GPC3: variants seen among roughly 807,000 people sequenced by gnomAD.
GPC3 encodes glypican 3.
GPC3 carries 3 observed loss-of-function variants against 34.4 expected under a neutral mutation model. That is an observed-to-expected ratio of 0.09 (90% CI 0.04 to 0.23). GPC3 has a LOEUF of 0.23. GPC3 is among the 10% of genes least tolerant of loss of function. The probability of loss-of-function intolerance (pLI) is 1.00; values close to 1 mark genes in which losing one functional copy is unlikely to be tolerated. For synonymous variants in GPC3, 177 were observed against 174.0 expected (o/e 1.02, Z -0.13); for missense variants, 351 against 445.6 (o/e 0.79, Z 1.91).
chrX:133,624,536 A>G (rs1193425707), intron 6 of GPC3, among the ~76,000 whole-genome samples: 3 of 112,113 alleles, frequency 2.7e-5, no homozygotes, highest in Admixed American at 9.5e-5. Flanking sequence ...AAACACCTCT[A>G]TGCAAATAAA....
chrX:133,870,903 T>C (rs2124575330), intron 2 of GPC3, among the ~76,000 whole-genome samples: 1 of 112,228 alleles, frequency 8.9e-6, no homozygotes, highest in East Asian at 2.8e-4. Flanking sequence ...ACACTGCTTC[T>C]TCTTCAATCT....
rs772539236 is a variant in GPC3, at chrX:133,536,335, A to G, written c.1574-42T>C. 1.2e-4 allele frequency: 116 copies of G among 1,006,050 alleles called. 1 individual carries two copies. Among genetic ancestry groups the G allele is most frequent in the Non-Finnish European group, 3.8e-5 (27 of 709,510 alleles). The allele number at this position is 1,006,050 out of a possible 1,213,427, so 82.9% of individuals were successfully genotyped here. A position where few individuals can be genotyped will look rare whatever the true frequency, so the allele number is the denominator to read the frequency against. ...AAGGATTTGAAATGCAAGTCTACCC[A>G]TAGCCTCAGTATAACACTATGCACA... is the stretch of plus-strand genomic sequence containing the variant. On this transcript the variant is annotated intron_variant, in intron 7 of 7. Coordinates refer to ENST00000370818, the MANE Select transcript of GPC3 (RefSeq NM_004484.4).
chrX:133,785,626 C>T (rs921375196), intron 2 of GPC3, among the ~76,000 whole-genome samples: 2 of 111,840 alleles, frequency 1.8e-5, no homozygotes, highest in Non-Finnish European at 3.8e-5. Flanking sequence ...CTGGTTTTTG[C>T]ACTTACTCAT....
At position 133,753,755 on chromosome X, in the gene GPC3, G is replaced by A; in HGVS notation, c.759C>T (p.Gly253=). The part of the protein sequence containing the change: ...TDHLKFSKDC[G]RMLTRMWYCS... The stretch of plus-strand genomic sequence containing the variant: ...AGTACCACATTCTGGTGAGCATTCG[G>A]CCACAGTCCTTACTGAACTTCAGGT... Residue 253 remains glycine (G), a synonymous_variant, in exon 3 of 8, where the codon GGC becomes GGT. Transcript: ENST00000370818. The A allele has an allele frequency of 1.7e-6, 2 of 1,211,515 alleles. No individual in the cohort carries two copies. Among genetic ancestry groups the A allele is most frequent in the Non-Finnish European group, 2.2e-6 (2 of 895,220 alleles).
chrX:133,617,615 T>C (rs1475388490), intron 6 of GPC3, among the ~76,000 whole-genome samples: 1 of 112,195 alleles, frequency 8.9e-6, no homozygotes, highest in African/African-American at 3.2e-5. Context: ...TCAAACCAAA[T>C]AGTATCTTCC....
At chrX:133,908,371 G>A (rs1013267453) in intron 2 of GPC3, among the ~76,000 whole-genome samples, 3 of 110,818 alleles carry the variant, frequency 2.7e-5, no homozygotes, top group African/African-American at 9.9e-5. Flanking sequence ...AGTGAACACA[G>A]AGCCCCTACC....
chrX:133,922,063 T>C (rs751037975), intron 2 of GPC3, among the ~76,000 whole-genome samples: 2 of 112,552 alleles, frequency 1.8e-5, no homozygotes, highest in Non-Finnish European at 3.8e-5. Flanking sequence ...ACAGGAACTT[T>C]ACCTTTGGGC....
intron 2 of GPC3, among the ~76,000 whole-genome samples, chrX:133,878,801 C>T (rs984228202): frequency 1.3e-4 from 15 of 111,293 alleles, no homozygotes; most frequent in African/African-American, 4.9e-4. Context: ...CAAATAAGGG[C>T]TAAAAGAAAA....
chrX:133,687,435 A>G (rs1335116862), intron 5 of GPC3, among the ~76,000 whole-genome samples: 1 of 72,998 alleles, frequency 1.4e-5, no homozygotes, highest in African/African-American at 5.8e-5. Context: ...TCTGTCGCCC[A>G]GGCTGGAGTG....
At chrX:133,779,717 T>C (rs1288310762) in intron 2 of GPC3, among the ~76,000 whole-genome samples, 1 of 110,152 alleles carries the variant, frequency 9.1e-6, no homozygotes, top group Non-Finnish European at 1.9e-5. Flanking sequence ...AGATGATTCA[T>C]AGGAGTTTGG....
At chrX:133,648,519 C>T (rs906513053) in intron 6 of GPC3, among the ~76,000 whole-genome samples, 1 of 111,802 alleles carries the variant, frequency 8.9e-6, no homozygotes, top group Non-Finnish European at 1.9e-5. Flanking sequence ...ATCTTTAAAA[C>T]ATCCTTCACG....
chrX:133,813,392 CAATAGACCT>C (rs1236735801), intron 2 of GPC3, among the ~76,000 whole-genome samples: 2 of 112,450 alleles, frequency 1.8e-5, no homozygotes, highest in Non-Finnish European at 3.8e-5. Flanking sequence ...TAGCAAAGAT[CAATAGACCT>C]AATTACCCTG....
chrX:133,777,184 G>A (rs1229011734), intron 2 of GPC3, among the ~76,000 whole-genome samples: 1 of 110,956 alleles, frequency 9.0e-6, no homozygotes, highest in East Asian at 2.8e-4. Context: ...GGTATTCCAA[G>A]AACAGAGATC....
intron 5 of GPC3, among the ~76,000 whole-genome samples, chrX:133,691,096 A>G (rs2071057608): frequency 8.9e-6 from 1 of 112,133 alleles, no homozygotes; most frequent in South Asian, 3.7e-4. Context: ...CTTGGCACTT[A>G]GAAGGTGCTC....
intron 5 of GPC3, among the ~76,000 whole-genome samples, chrX:133,670,389 C>CT (rs11451367): frequency 0.055 from 6,109 of 111,420 alleles, 426 homozygotes; most frequent in African/African-American, 0.19. Flanking sequence ...ATTTTTGACA[C>CT]TTGCTAGTAC....
chrX:133,843,387 C>G (rs1012058528), intron 2 of GPC3, among the ~76,000 whole-genome samples: 1 of 111,333 alleles, frequency 9.0e-6, no homozygotes, highest in Non-Finnish European at 1.9e-5. Context: ...ACCTCTACCT[C>G]TCTTTTGTTC....
chrX:133,610,451 A>T (rs953480496), intron 6 of GPC3, among the ~76,000 whole-genome samples: 4 of 110,881 alleles, frequency 3.6e-5, no homozygotes, highest in African/African-American at 1.3e-4. Flanking sequence ...TCAGTAGGTA[A>T]CAATGTCCTG....
intron 2 of GPC3, among the ~76,000 whole-genome samples, chrX:133,787,337 C>T (rs1261260045): frequency 3.6e-5 from 4 of 112,443 alleles, no homozygotes; most frequent in African/African-American, 9.7e-5. Context: ...AGGAAACAGT[C>T]CTGGATACTA....
At chrX:133,867,867 G>A (rs952252429) in intron 2 of GPC3, among the ~76,000 whole-genome samples, 3 of 107,645 alleles carry the variant, frequency 2.8e-5, no homozygotes, top group Admixed American at 2.0e-4. Context: ...ACATCTAAAC[G>A]CCAAGAGGAG....
Sources: gnomAD v4.1 joint callset for allele counts (sites outside exome capture counted in the v4.1 genomes callset) on GRCh38, gnomAD v4.1.1 for gene constraint, MANE v1.5 for transcripts, NCBI Gene and HGNC (gene_info 2026-07-23, HGNC 2026-07-21) for gene names.